SPIDR: variants seen among roughly 807,000 people sequenced by gnomAD.
SPIDR encodes scaffold protein involved in DNA repair.
A neutral mutation model predicts 104.6 loss-of-function variants in SPIDR; 93 were observed. The observed-to-expected ratio is 0.89, with a 90% CI of 0.75 to 1.06. SPIDR has a LOEUF of 1.06. Ranked by LOEUF, SPIDR falls within the 50% of genes least tolerant of loss-of-function variation. The probability of loss-of-function intolerance (pLI) is 0.00; values close to 1 mark genes in which losing one functional copy is unlikely to be tolerated. For missense variants in SPIDR, 1,154 were observed against 1,111.2 expected (o/e 1.04, Z -0.55); for synonymous variants, 431 against 416.9 (o/e 1.03, Z -0.41).
chr8:47,267,362 A>T (rs896454140), intron 1 of SPIDR, among the ~76,000 whole-genome samples: 1 of 152,110 alleles, frequency 6.6e-6, no homozygotes, highest in Non-Finnish European at 1.5e-5. Flanking sequence ...ATGTAGACCT[A>T]AGTTTTTCTT....
intron 11 of SPIDR, among the ~76,000 whole-genome samples, chr8:47,696,481 A>G (rs1002433903): frequency 2.6e-5 from 4 of 152,226 alleles, no homozygotes; most frequent in Non-Finnish European, 5.9e-5. Flanking sequence ...TTTTAAAATT[A>G]AAGTTAATGG....
chr8:47,558,374 T>C (rs528031614), intron 8 of SPIDR, among the ~76,000 whole-genome samples: 3 of 152,344 alleles, frequency 2.0e-5, no homozygotes, highest in South Asian at 2.1e-4. Context: ...TACACTGTTA[T>C]ATAGTAGTTC....
At chr8:47,503,940 T>C (rs989522823) in intron 8 of SPIDR, among the ~76,000 whole-genome samples, 3 of 152,222 alleles carry the variant, frequency 2.0e-5, no homozygotes, top group African/African-American at 7.2e-5. Context: ...AATTCTTTTC[T>C]TTAAGAATGT....
intron 10 of SPIDR, among the ~76,000 whole-genome samples, chr8:47,656,038 T>TG (rs2072739060): frequency 6.6e-6 from 1 of 152,216 alleles, no homozygotes; most frequent in African/African-American, 2.4e-5. Flanking sequence ...GGTGGACACC[T>TG]GCCTCATACC....
At chr8:47,669,928 A>C (rs1451225361) in intron 10 of SPIDR, among the ~76,000 whole-genome samples, 1 of 152,200 alleles carries the variant, frequency 6.6e-6, no homozygotes, top group African/African-American at 2.4e-5. Context: ...TGAACCCAGG[A>C]GGCGGAGGTT....
chr8:47,468,175 A>G (rs540977384), intron 8 of SPIDR, among the ~76,000 whole-genome samples: 1 of 152,346 alleles, frequency 6.6e-6, no homozygotes, highest in African/African-American at 2.4e-5. Flanking sequence ...TACGAGTACT[A>G]CAAAACACTG....
chr8:47,276,643 A>C lies in SPIDR; in HGVS notation c.34-3219A>C, dbSNP rs376259493. The stretch of plus-strand genomic sequence containing the variant: ...CTAGTAAAGAATTTGCAGTGGTTGG[A>C]AAAATAAATAAGATATTCAAATGGA... On this transcript the variant is annotated intron_variant, in intron 1 of 19. Coordinates refer to ENST00000297423, the MANE Select transcript of SPIDR (RefSeq NM_001080394.4). Among the ~76,000 whole-genome samples the C allele has an allele frequency of 1.2e-4, 18 of 152,376 alleles. No homozygotes were observed. The South Asian group carries it at 2.1e-3, about 18-fold the overall frequency.
chr8:47,616,261 T>G (rs527749995), intron 10 of SPIDR, among the ~76,000 whole-genome samples: 1 of 152,334 alleles, frequency 6.6e-6, no homozygotes, highest in South Asian at 2.1e-4. Flanking sequence ...TGGGGAGAGC[T>G]CTCATTCTTT....
chr8:47,561,859 G>A (rs1422449237), intron 8 of SPIDR, among the ~76,000 whole-genome samples: 3 of 152,260 alleles, frequency 2.0e-5, no homozygotes, highest in Non-Finnish European at 4.4e-5. Context: ...ACAAAGAAGT[G>A]GTTTTGAAAT....
chr8:47,582,360 C>T (rs1206498985), intron 8 of SPIDR, among the ~76,000 whole-genome samples: 1 of 151,944 alleles, frequency 6.6e-6, no homozygotes, highest in Admixed American at 6.6e-5. Flanking sequence ...TCAAGAAAAC[C>T]TAACTAGTAG....
intron 5 of SPIDR, among the ~76,000 whole-genome samples, chr8:47,354,044 A>G (rs2054052382): frequency 1.3e-5 from 2 of 152,148 alleles, no homozygotes; most frequent in Admixed American, 1.3e-4. Context: ...CTGATTTTCC[A>G]TGCCTGATTT....
intron 8 of SPIDR, among the ~76,000 whole-genome samples, chr8:47,490,543 A>C (rs1441133673): frequency 9.9e-5 from 15 of 152,228 alleles, no homozygotes; most frequent in Admixed American, 9.8e-4. Context: ...AGACACATGC[A>C]CATGTACGTT....
chr8:47,623,757 A>G (rs1025424323), intron 10 of SPIDR, among the ~76,000 whole-genome samples: 2 of 152,182 alleles, frequency 1.3e-5, no homozygotes, highest in Non-Finnish European at 2.9e-5. Context: ...AGTGACTTAC[A>G]GAGACTTAGA....
intron 1 of SPIDR, among the ~76,000 whole-genome samples, chr8:47,277,327 TATGTTA>T (rs2036680018): frequency 1.4e-5 from 1 of 72,772 alleles, no homozygotes; most frequent in Admixed American, 1.2e-4. Context: ...TATGTTATGT[TATGTTA>T]TGTTATGTTA....
rs35880765 is a variant in SPIDR, at chr8:47,685,477, TTTTATTTATTTA to T, written c.1685+11568_1685+11579del. ...TTATCTACCAGTAGGAGGTCAGTGG[TTTTATTTATTTA>T]TTTATTTATTTATTTATTTATTTAT... On this transcript the variant is annotated intron_variant, in intron 11 of 19. Transcript: ENST00000297423. 8.0e-4 allele frequency among the ~76,000 whole-genome samples: 105 copies of T among 131,538 alleles called. 2 individuals carry two copies. The highest frequency in any genetic ancestry group is 6.0e-3 in the East Asian group (27 of 4,468). 86.3% of individuals were successfully genotyped at this position (131,538 alleles called of 152,430 possible). A position where few individuals can be genotyped will look rare whatever the true frequency, so the allele number is the denominator to read the frequency against.
chr8:47,322,270 G>C (rs570807767), intron 5 of SPIDR, among the ~76,000 whole-genome samples: 2 of 152,216 alleles, frequency 1.3e-5, no homozygotes, highest in South Asian at 4.2e-4. Context: ...ATCAGAAAGT[G>C]GTCGAAGGAT....
At chr8:47,298,657 C>T (rs1225515678) in intron 5 of SPIDR, among the ~76,000 whole-genome samples, 1 of 152,196 alleles carries the variant, frequency 6.6e-6, no homozygotes, top group Non-Finnish European at 1.5e-5. Flanking sequence ...GATCTGGTTT[C>T]AGCTTTCTAC....
rs553736791 is a variant in SPIDR, at chr8:47,490,924, A to G, written c.1097+50382A>G. On this transcript the variant is annotated intron_variant, in intron 8 of 19. Coordinates refer to ENST00000297423, the MANE Select transcript of SPIDR (RefSeq NM_001080394.4). ...GACGGTGAATGGGTGCAGCACACCA[A>G]TGTGGCACATGTATACATATGTAAC... Among the ~76,000 whole-genome samples, 5 of 152,320 alleles carry G rather than the reference A, an allele frequency of 3.3e-5. No individual in the cohort carries two copies. The South Asian group carries it at 6.2e-4, about 19-fold the overall frequency.
At chr8:47,531,778 A>G (rs1327878205) in intron 8 of SPIDR, among the ~76,000 whole-genome samples, 1 of 152,362 alleles carries the variant, frequency 6.6e-6, no homozygotes, top group Admixed American at 6.5e-5. Flanking sequence ...TTTCAGCTCC[A>G]TGATAAACTT....
Sources: gnomAD v4.1 joint callset for allele counts (sites outside exome capture counted in the v4.1 genomes callset) on GRCh38, gnomAD v4.1.1 for gene constraint, MANE v1.5 for transcripts, NCBI Gene and HGNC (gene_info 2026-07-23, HGNC 2026-07-21) for gene names.